PSTPIP1: variants seen among roughly 807,000 people sequenced by gnomAD.
The protein encoded by PSTPIP1 is proline-serine-threonine phosphatase interacting protein 1.
PSTPIP1 carries 66 observed loss-of-function variants against 69.6 expected under a neutral mutation model. The ratio of observed to expected loss-of-function variants is 0.95; its 90% CI spans 0.78 to 1.16. PSTPIP1 has a LOEUF of 1.16. PSTPIP1 is among the 50% of genes most tolerant of loss of function. The pLI, the probability that PSTPIP1 is intolerant of heterozygous loss-of-function variation, is 0.00. For synonymous variants in PSTPIP1, 266 were observed against 222.7 expected (o/e 1.19, Z -1.73); for missense variants, 603 against 557.4 (o/e 1.08, Z -0.82).
At chr15:77,024,976 ACAATCCCCTCTT>A (rs2076244390) in intron 3 of PSTPIP1, among the ~76,000 whole-genome samples, 4 of 152,078 alleles carry the variant, frequency 2.6e-5, no homozygotes, top group Non-Finnish European at 4.4e-5. Context: ...GGTCCTGAAG[ACAATCCCCTCTT>A]CTCTAAGAAT....
At chr15:77,001,069 G>A (rs926930352) in intron 1 of PSTPIP1, among the ~76,000 whole-genome samples, 1 of 152,138 alleles carries the variant, frequency 6.6e-6, no homozygotes, top group African/African-American at 2.4e-5. Flanking sequence ...TGGCTGCACA[G>A]TTCTCTAGCT....
At chr15:77,017,019 G>T (rs965373787) in intron 1 of PSTPIP1, among the ~76,000 whole-genome samples, 2 of 152,152 alleles carry the variant, frequency 1.3e-5, no homozygotes. Context: ...GGCTTTAGGG[G>T]TCCTCAGGGA....
Position 77,000,476 on chromosome 15 carries a change from T to TACACAC in PSTPIP1, c.36+4889_36+4894dup, listed in dbSNP as rs893354130. Among the ~76,000 whole-genome samples the TACACAC allele has an allele frequency of 2.9e-3, 432 of 146,870 alleles. 6 individuals carry two copies. The highest frequency in any genetic ancestry group is 0.01 in the African/African-American group (407 of 39,064). On this transcript the variant is annotated intron_variant, in intron 1 of 14. Transcript: ENST00000558012. ...TTAAAGAGAGATATATATATATATA[T>TACACAC]ACACACACACACACACACACACACA...
intron 14 of PSTPIP1, 38 bp downstream of exon 14, chr15:77,035,973 C>T: frequency 6.5e-7 from 1 of 1,548,894 alleles, no homozygotes; most frequent in Non-Finnish European, 8.7e-7. Flanking sequence ...TGTGCCACCT[C>T]CCCTGCACCT....
intron 6 of PSTPIP1, 102 bp downstream of exon 6, chr15:77,028,016 C>A (rs894223196): frequency 8.9e-7 from 1 of 1,118,436 alleles, no homozygotes; most frequent in Non-Finnish European, 1.3e-6. Flanking sequence ...TTGGAACAGG[C>A]TGACCTCAGC....
intron 3 of PSTPIP1, among the ~76,000 whole-genome samples, chr15:77,020,878 G>A (rs200778419): frequency 3.0e-4 from 44 of 144,354 alleles, no homozygotes; most frequent in East Asian, 1.0e-3. Context: ...TGGGGGGGGG[G>A]GGTGTGTGTG....
intron 2 of PSTPIP1, 79 bp downstream of exon 2, chr15:77,018,327 G>A (rs1330939184): frequency 2.0e-6 from 3 of 1,533,956 alleles, no homozygotes; most frequent in South Asian, 2.4e-5. Context: ...AGTGGACGAG[G>A]CCCCCATCCC....
chr15:77,003,683 C>T (rs1409838376), intron 1 of PSTPIP1, among the ~76,000 whole-genome samples: 5 of 151,820 alleles, frequency 3.3e-5, no homozygotes, highest in Admixed American at 1.3e-4. Flanking sequence ...AAGAAGGAAG[C>T]GGGCTTCTTT....
chr15:77,013,339 C>T (rs374319691), intron 1 of PSTPIP1, among the ~76,000 whole-genome samples: 1 of 152,206 alleles, frequency 6.6e-6, no homozygotes, highest in East Asian at 1.9e-4. Flanking sequence ...GAAAAGAGAA[C>T]AGGGTCAGTT....
chr15:77,029,080 A>G (rs2076353961), intron 7 of PSTPIP1, among the ~76,000 whole-genome samples: 1 of 152,244 alleles, frequency 6.6e-6, no homozygotes, highest in Non-Finnish European at 1.5e-5. Context: ...TCTAGAGCCC[A>G]TGCTCCTGAT....
intron 1 of PSTPIP1, among the ~76,000 whole-genome samples, chr15:77,004,491 T>G (rs1242051807): frequency 1.3e-5 from 2 of 152,106 alleles, no homozygotes; most frequent in African/African-American, 4.8e-5. Flanking sequence ...GGTGATGGGC[T>G]GAGGCAAGAG....
intron 3 of PSTPIP1, among the ~76,000 whole-genome samples, chr15:77,020,876 G>T (rs959825286): frequency 2.1e-5 from 3 of 144,174 alleles, no homozygotes; most frequent in Non-Finnish European, 4.7e-5. Context: ...TGTGGGGGGG[G>T]GGGGTGTGTG....
At position 77,035,543 on chromosome 15, in the gene PSTPIP1, C is replaced by A; in HGVS notation, c.965C>A (p.Thr322Asn). The change falls in exon 13 of 15, where the codon ACT becomes AAT. Residue 322 changes from threonine (T) to asparagine (N), a missense_variant. Transcript: ENST00000558012. ...CTGCTGCACGGAAGTCCCAAGACCA[C>A]TTCGTTGGCAGCTTCTGCTGGTAAA... is the stretch of plus-strand genomic sequence containing the variant. ...SGLLHGSPKT[T>N]SLAASAASTE... The A allele has an allele frequency of 6.3e-7, 1 of 1,589,626 alleles. No homozygotes were observed. Among genetic ancestry groups the A allele is most frequent in the East Asian group, 2.3e-5 (1 of 43,714 alleles).
At chr15:77,008,688 G>T (rs1416022355) in intron 1 of PSTPIP1, among the ~76,000 whole-genome samples, 1 of 152,212 alleles carries the variant, frequency 6.6e-6, no homozygotes, top group African/African-American at 2.4e-5. Context: ...GGGATTACAG[G>T]CGTGAGCCAC....
intron 1 of PSTPIP1, among the ~76,000 whole-genome samples, chr15:77,017,258 C>T (rs1391913834): frequency 6.6e-6 from 1 of 152,176 alleles, no homozygotes; most frequent in Admixed American, 6.5e-5. Context: ...AGACTACCTC[C>T]CTCCCCCAAC....
At chr15:77,001,897 C>T (rs534766367) in intron 1 of PSTPIP1, among the ~76,000 whole-genome samples, 76 of 152,266 alleles carry the variant, frequency 5.0e-4, no homozygotes, top group African/African-American at 1.8e-3. Flanking sequence ...TGAGGCTGAG[C>T]GGCTGTGAAC....
Position 77,018,536 on chromosome 15 carries a change from G to A in PSTPIP1, c.212+5G>A, listed in dbSNP as rs1280331114. 4 of 1,555,118 alleles carry A rather than the reference G, an allele frequency of 2.6e-6. No individual in the cohort carries two copies. The highest frequency in any genetic ancestry group is 2.6e-6 in the Non-Finnish European group (3 of 1,149,230). ...AGGTGGCCAGACGGAGATCAAGTAA[G>A]ATCTCCCGGGCCCTGGGGCTCACTC... On this transcript the variant is annotated splice_donor_5th_base_variant and intron_variant, in intron 3 of 14. Transcript: ENST00000558012.
intron 4 of PSTPIP1, 21 bp from the exon 5 acceptor site, chr15:77,025,477 G>T: frequency 6.4e-7 from 1 of 1,571,630 alleles, no homozygotes; most frequent in Non-Finnish European, 8.6e-7. Flanking sequence ...CTGGGGACCA[G>T]TATCCATGCT....
chr15:77,035,594 A>C (rs1014744481), intron 13 of PSTPIP1, 31 bp downstream of exon 13: 1 of 1,556,674 alleles, frequency 6.4e-7, no homozygotes, highest in Non-Finnish European at 8.7e-7. Context: ...ACCCCCAAAC[A>C]CACTGATCCT....
Sources: gnomAD v4.1 joint callset for allele counts (sites outside exome capture counted in the v4.1 genomes callset) on GRCh38, gnomAD v4.1.1 for gene constraint, MANE v1.5 for transcripts, NCBI Gene and HGNC (gene_info 2026-07-23, HGNC 2026-07-21) for gene names.